Variants in MAB21L3 observed in about 807,000 individuals in gnomAD.
The protein encoded by MAB21L3 is protein mab-21-like 3.
In MAB21L3, 36 loss-of-function variants were observed where a neutral mutation model predicts 37.7. That is an observed-to-expected ratio of 0.96 (90% CI 0.73 to 1.26). The LOEUF (loss-of-function observed/expected upper bound fraction) is 1.26. Among genes scored for constraint, MAB21L3 ranks in the 50% most tolerant of loss-of-function variants. The pLI, the probability that MAB21L3 is intolerant of heterozygous loss-of-function variation, is 0.00. For synonymous variants in MAB21L3, 186 were observed against 176.8 expected (o/e 1.05, Z -0.41); for missense variants, 430 against 447.3 (o/e 0.96, Z 0.35).
chr1:116,111,574 T>G (rs1323755278), intron 1 of MAB21L3, among the ~76,000 whole-genome samples, 55 bp from the exon 2 acceptor site: 1 of 152,050 alleles, frequency 6.6e-6, no homozygotes, highest in East Asian at 1.9e-4. Flanking sequence ...CTCCGTGATG[T>G]TTACCAGCTT....
Position 116,128,082 on chromosome 1 carries a change from A to G in MAB21L3, c.661-63A>G. On this transcript the variant is annotated intron_variant, in intron 6 of 7. Coordinates refer to ENST00000369500, the MANE Select transcript of MAB21L3 (RefSeq NM_152367.3). ...CCCAGACCAGCAGACTGCTTCAGAA[A>G]TGGCTTTCTACACCAGTGAGCATTG... is the stretch of plus-strand genomic sequence containing the variant. 2.0e-6 allele frequency: 3 copies of G among 1,520,134 alleles called. No homozygotes were observed. In the Admixed American group the frequency reaches 5.7e-5, roughly 29 times the overall value. The allele number at this position is 1,520,134 out of a possible 1,614,324, so 94.2% of individuals were successfully genotyped here.
Position 116,127,467 on chromosome 1 carries a change from T to G in MAB21L3, c.483T>G (p.Gly161=). The part of the protein sequence containing the change: ...ENAVRTCHLS[G]KVSLLGNRSA... ...ATCCATTTGGTCATTTCCCACCAGGTAAGGTCAGCCTGCTAGGAAACCGCT... is the reference window on the plus strand; with the variant it reads ...ATCCATTTGGTCATTTCCCACCAGGGAAGGTCAGCCTGCTAGGAAACCGCT... The change falls in exon 6 of 8, where the codon GGT becomes GGG. Residue 161 remains glycine, a splice_region_variant and synonymous_variant. Coordinates refer to ENST00000369500, the MANE Select transcript of MAB21L3 (RefSeq NM_152367.3). The G allele has an allele frequency of 6.2e-7, 1 of 1,613,184 alleles. No individual in the cohort carries two copies. Among genetic ancestry groups the G allele is most frequent in the Non-Finnish European group, 8.5e-7 (1 of 1,179,518 alleles).
At position 116,124,102 on chromosome 1, in the gene MAB21L3, A is replaced by G. The variant is rs1217692652; in HGVS notation, c.226A>G (p.Ile76Val). The G allele has an allele frequency of 8.7e-6, 14 of 1,612,330 alleles. No individual in the cohort carries two copies. Among genetic ancestry groups the G allele is most frequent in the East Asian group, 2.2e-5 (1 of 44,842 alleles). Residue 76 changes from isoleucine (I) to valine (V), a missense_variant, in exon 5 of 8, where the codon ATA becomes GTA. Coordinates refer to ENST00000369500, the MANE Select transcript of MAB21L3 (RefSeq NM_152367.3). ...CAGTCAGTTCCTCGTCACAGTCCCAATAAAAGGCCTGGCCGGGTACAGGGA... is the reference window on the plus strand; with the variant it reads ...CAGTCAGTTCCTCGTCACAGTCCCAGTAAAAGGCCTGGCCGGGTACAGGGA... ...APSQFLVTVP[I>V]KGLAGYREAR...
intron 4 of MAB21L3, 54 bp downstream of exon 4, chr1:116,121,126 C>T: frequency 6.4e-7 from 1 of 1,555,066 alleles, no homozygotes; most frequent in South Asian, 1.2e-5. Flanking sequence ...GACACTTGGG[C>T]AGGTGAATCT....
At chr1:116,130,998 A>G (rs1660052622) in intron 7 of MAB21L3, among the ~76,000 whole-genome samples, 1 of 152,200 alleles carries the variant, frequency 6.6e-6, no homozygotes, top group Admixed American at 6.5e-5. Flanking sequence ...AAAATAACCC[A>G]ATATCTAAAC....
Position 116,117,154 on chromosome 1 carries a change from TATAC to T in MAB21L3, c.49-3770_49-3767del, listed in dbSNP as rs201208870. On this transcript the variant is annotated intron_variant, in intron 3 of 7. Coordinates refer to ENST00000369500, the MANE Select transcript of MAB21L3 (RefSeq NM_152367.3). ...TAGTTTATTAACTCAGGAATCAAAA[TATAC>T]ATACATATATATATATATATATATA... 8.5e-3 allele frequency among the ~76,000 whole-genome samples: 890 copies of T among 104,382 alleles called. 8 individuals carry two copies. The highest frequency in any genetic ancestry group is 0.017 in the Middle Eastern group (4 of 238). The allele number at this position is 104,382 out of a possible 152,430, so 68.5% of individuals were successfully genotyped here.
chr1:116,123,388 T>C (rs781310344), intron 4 of MAB21L3, among the ~76,000 whole-genome samples: 3 of 152,078 alleles, frequency 2.0e-5, no homozygotes, highest in African/African-American at 7.2e-5. Flanking sequence ...ACACTGACCA[T>C]AGGTCATCAG....
intron 5 of MAB21L3, 147 bp downstream of exon 5, chr1:116,124,504 A>G (rs1659841034): frequency 1.3e-6 from 1 of 767,156 alleles, no homozygotes; most frequent in South Asian, 1.9e-5. Context: ...TCTTCATAAT[A>G]TGAATCAGCT....
At position 116,133,461 on chromosome 1, in the gene MAB21L3, G is replaced by A; in HGVS notation, c.*96G>A. ...AGTCAGGTGCCAGGATCCTGCCTAG[G>A]AGAAAGGCCACGAATGGCAGCGGAA... On this transcript the variant is annotated 3_prime_UTR_variant, in exon 8 of 8. Coordinates refer to ENST00000369500, the MANE Select transcript of MAB21L3 (RefSeq NM_152367.3). The A allele has an allele frequency of 1.9e-5, 21 of 1,114,466 alleles. No individual in the cohort carries two copies. Among genetic ancestry groups the A allele is most frequent in the Non-Finnish European group, 2.5e-5 (19 of 761,756 alleles). The allele number at this position is 1,114,466 out of a possible 1,614,324, so 69.0% of individuals were successfully genotyped here.
intron 5 of MAB21L3, among the ~76,000 whole-genome samples, chr1:116,124,870 T>TACACACACACAC (rs148469511): frequency 3.0e-3 from 419 of 140,350 alleles, no homozygotes; most frequent in East Asian, 4.7e-3. Context: ...AGCATATGCA[T>TACACACACACAC]ACACACACAC....
intron 5 of MAB21L3, 130 bp downstream of exon 5, chr1:116,124,487 T>G (rs1659840707): frequency 1.2e-6 from 1 of 832,842 alleles, no homozygotes; most frequent in Admixed American, 3.0e-5. Context: ...TCTTCACATT[T>G]ATTTAATCTT....
chr1:116,112,740 G>A, intron 3 of MAB21L3, 77 bp downstream of exon 3: 1 of 1,453,006 alleles, frequency 6.9e-7, no homozygotes, highest in Non-Finnish European at 9.7e-7. Flanking sequence ...GTCCAGAAAG[G>A]ATCTCAGGCT....
At chr1:116,125,521 A>G (rs2101615699) in intron 5 of MAB21L3, among the ~76,000 whole-genome samples, 1 of 152,376 alleles carries the variant, frequency 6.6e-6, no homozygotes, top group South Asian at 2.1e-4. Context: ...GCATACATAC[A>G]GAGCTATGAA....
In MAB21L3 at chr1:116,111,416, A is replaced by G. The variant is rs1455710830; in HGVS notation, c.-486A>G. Reference sequence around the variant, plus strand: ...TGCTTGGGGCAGAGTATGGGAAGATATGCAAACGCTGAGGCCCCAAATAGT... The same window carrying G: ...TGCTTGGGGCAGAGTATGGGAAGATGTGCAAACGCTGAGGCCCCAAATAGT... On this transcript the variant is annotated 5_prime_UTR_variant, in exon 1 of 8. It adds an upstream start codon to the 5' untranslated region. Coordinates refer to ENST00000369500, the MANE Select transcript of MAB21L3 (RefSeq NM_152367.3). Among the ~76,000 whole-genome samples, 1 of 152,114 alleles carries G rather than the reference A, an allele frequency of 6.6e-6. No homozygotes were observed. Among genetic ancestry groups the G allele is most frequent in the Non-Finnish European group, 1.5e-5 (1 of 68,032 alleles).
At chr1:116,120,816 TG>T in intron 3 of MAB21L3, 115 bp from the exon 4 acceptor site, 1 of 1,337,562 alleles carries the variant, frequency 7.5e-7, no homozygotes, top group African/African-American at 1.5e-5. Flanking sequence ...GCAGGATTTT[TG>T]AGCTGAACTC....
chr1:116,131,445 C>A (rs1660062572), intron 7 of MAB21L3, among the ~76,000 whole-genome samples: 3 of 152,230 alleles, frequency 2.0e-5, no homozygotes, highest in Non-Finnish European at 2.9e-5. Context: ...ACCTTATAAA[C>A]CACACCACAT....
intron 5 of MAB21L3, among the ~76,000 whole-genome samples, chr1:116,125,708 A>C (rs1659889311): frequency 6.6e-6 from 1 of 152,256 alleles, no homozygotes; most frequent in Admixed American, 6.5e-5. Context: ...ACTAAGTAGA[A>C]TAAGTTTCAT....
intron 3 of MAB21L3, among the ~76,000 whole-genome samples, chr1:116,120,448 C>CACAT (rs56718502): frequency 0.24 from 36,400 of 149,628 alleles, 6,568 homozygotes; most frequent in African/African-American, 0.52. Flanking sequence ...CACACACACA[C>CACAT]ATATATATAT....
intron 3 of MAB21L3, among the ~76,000 whole-genome samples, chr1:116,115,179 T>G (rs999180528): frequency 6.6e-6 from 1 of 152,230 alleles, no homozygotes; most frequent in African/African-American, 2.4e-5. Context: ...TAGGCAGGAA[T>G]GAGCCTACTC....
Sources: allele counts gnomAD v4.1 joint callset (sites outside exome capture counted in the v4.1 genomes callset), GRCh38; gene constraint gnomAD v4.1.1; transcripts MANE v1.5; gene names NCBI Gene and HGNC (gene_info 2026-07-23, HGNC 2026-07-21).